Variants in TCERG1 observed in about 807,000 individuals in gnomAD.
TCERG1 encodes the protein transcription elongation regulator 1.
In TCERG1, 37 loss-of-function variants were observed where a neutral mutation model predicts 144.7. That is an observed-to-expected ratio of 0.26 (90% CI 0.20 to 0.34). TCERG1 has a LOEUF of 0.34. TCERG1 is among the 10% of genes least tolerant of loss of function. The pLI, the probability that TCERG1 is intolerant of heterozygous loss-of-function variation, is 1.00. For missense variants in TCERG1, 1,027 were observed against 1,380.7 expected, an observed-to-expected ratio of 0.74 and a Z score of 4.06; for synonymous variants, 492 against 458.2, an observed-to-expected ratio of 1.07 and a Z score of -0.94.
chr5:146,510,811 T>G lies in TCERG1; in HGVS notation c.*169T>G. On this transcript the variant is annotated 3_prime_UTR_variant, in exon 23 of 23. Transcript: ENST00000679501. ...CAGAACACTTTGGAAATATTTATGC[T>G]TTTCTTTGTGTGGCATGACTGACAT... 3 of 568,064 alleles carry G rather than the reference T, an allele frequency of 5.3e-6. No individual in the cohort carries two copies. The allele number at this position is 568,064 out of a possible 1,614,324, so 35.2% of individuals were successfully genotyped here.
intron 21 of TCERG1, among the ~76,000 whole-genome samples, chr5:146,508,620 A>G (rs1437757836): frequency 1.3e-5 from 2 of 152,176 alleles, no homozygotes; most frequent in East Asian, 1.9e-4. Context: ...AATTGATAAT[A>G]AAGTCTTTTT....
At position 146,511,775 on chromosome 5, in the gene TCERG1, TTGTATTAA is replaced by T. The variant is rs1323592893; in HGVS notation, c.*1139_*1146del. 2.0e-5 allele frequency: 3 copies of T among 152,210 alleles called. No homozygotes were observed. The highest frequency in any genetic ancestry group is 7.2e-5 in the African/African-American group (3 of 41,456). 9.4% of individuals were successfully genotyped at this position (152,210 alleles called of 1,614,324 possible). On this transcript the variant is annotated 3_prime_UTR_variant, in exon 23 of 23. Coordinates refer to ENST00000679501, the MANE Select transcript of TCERG1 (RefSeq NM_001382548.1). Reference sequence around the variant, plus strand: ...CTGGGGTTTTTTTTGTTTTTGTCCTTTGTATTAATGTATGATGGTTTGCGCCTTTTTGG... The same window carrying T: ...CTGGGGTTTTTTTTGTTTTTGTCCTTTGTATGATGGTTTGCGCCTTTTTGG...
rs1445071203 is a variant in TCERG1, at chr5:146,463,655, C to G, written c.997C>G (p.Pro333Ala). ...APTATPVQTV[P>A]QPHPQTLPPA... Reference sequence around the variant, plus strand: ...TACAGCCACACCTGTGCAAACCGTTCCCCAGCCGCACCCTCAGACGTTACC... The same window carrying G: ...TACAGCCACACCTGTGCAAACCGTTGCCCAGCCGCACCCTCAGACGTTACC... Residue 333 changes from proline (P) to alanine (A), a missense_variant, in exon 5 of 23, where the codon CCC (proline) becomes GCC (alanine). Pro to Ala is a conservative substitution (Grantham distance 27, BLOSUM62 -1). Coordinates refer to ENST00000679501, the MANE Select transcript of TCERG1 (RefSeq NM_001382548.1). The G allele has an allele frequency of 6.2e-7, 1 of 1,614,192 alleles. No homozygotes were observed. The highest frequency in any genetic ancestry group is 8.5e-7 in the Non-Finnish European group (1 of 1,180,036).
chr5:146,457,600 C>T (rs932192245), intron 3 of TCERG1, among the ~76,000 whole-genome samples: 3 of 152,226 alleles, frequency 2.0e-5, no homozygotes, highest in Non-Finnish European at 2.9e-5. Context: ...TACCAAATTC[C>T]AGGCTCCTAG....
intron 4 of TCERG1, among the ~76,000 whole-genome samples, chr5:146,461,712 A>C (rs1170482835): frequency 1.3e-5 from 2 of 152,150 alleles, no homozygotes; most frequent in Non-Finnish European, 2.9e-5. Flanking sequence ...TTATCTGAAT[A>C]CTATAATAAT....
At chr5:146,463,271 G>A (rs946545589) in intron 4 of TCERG1, among the ~76,000 whole-genome samples, 12 of 152,052 alleles carry the variant, frequency 7.9e-5, no homozygotes, top group Non-Finnish European at 1.3e-4. Context: ...TCAAGGCGCA[G>A]CATCCCAATA....
Position 146,507,410 on chromosome 5 carries a change from A to C in TCERG1, c.2961+203A>C. 2.0e-6 allele frequency: 1 copy of C among 497,338 alleles called. No individual in the cohort carries two copies. Among genetic ancestry groups the C allele is most frequent in the East Asian group, 3.4e-5 (1 of 29,744 alleles). The allele number at this position is 497,338 out of a possible 1,614,324, so 30.8% of individuals were successfully genotyped here. ...ATTCTTTGCAGTTTTCACATTCATAACTGCTCCCATAGTAATTCAAAATGT... is the reference window on the plus strand; with the variant it reads ...ATTCTTTGCAGTTTTCACATTCATACCTGCTCCCATAGTAATTCAAAATGT... On this transcript the variant is annotated intron_variant, in intron 20 of 22. Transcript: ENST00000679501. This position sits in a 1 kb window ranked among gnomAD's most constrained non-coding sequence, Gnocchi z 4.6.
intron 1 of TCERG1, among the ~76,000 whole-genome samples, chr5:146,449,792 A>C (rs1378797196): frequency 6.6e-6 from 1 of 152,226 alleles, no homozygotes; most frequent in Non-Finnish European, 1.5e-5. Context: ...TCCAAATACC[A>C]TTAAAGTAAC....
In TCERG1 at chr5:146,451,182, A is replaced by G. The variant is rs146080765; in HGVS notation, c.59+3774A>G. Among the ~76,000 whole-genome samples the G allele has an allele frequency of 5.4e-4, 83 of 152,348 alleles. 1 individual carries two copies. Among genetic ancestry groups the G allele is most frequent in the African/African-American group, 1.9e-3 (81 of 41,586 alleles). ...TACATTATTAACTCAAGCCTGAAAC[A>G]GAGTGTCTTTCCTTGGTGATTATCT... On this transcript the variant is annotated intron_variant, in intron 1 of 22. Transcript: ENST00000679501.
intron 1 of TCERG1, among the ~76,000 whole-genome samples, chr5:146,449,310 G>A (rs1762161280): frequency 6.6e-6 from 1 of 152,186 alleles, no homozygotes; most frequent in African/African-American, 2.4e-5. Flanking sequence ...CATGACAGTT[G>A]CTGACCTAGG....
intron 4 of TCERG1, among the ~76,000 whole-genome samples, chr5:146,460,607 AAGAG>A (rs370831072): frequency 1.3e-5 from 2 of 152,260 alleles, no homozygotes; most frequent in South Asian, 2.1e-4. Context: ...AAATACGTAT[AAGAG>A]AGAAATTAAT....
At chr5:146,453,663 C>T (rs1208028804) in intron 1 of TCERG1, among the ~76,000 whole-genome samples, 2 of 151,846 alleles carry the variant, frequency 1.3e-5, no homozygotes, top group African/African-American at 4.8e-5. Context: ...ATTGGCCGAG[C>T]GTGGTGGCTC....
chr5:146,505,187 G>T (rs1365211382), intron 19 of TCERG1, among the ~76,000 whole-genome samples: 1 of 151,866 alleles, frequency 6.6e-6, no homozygotes, highest in Non-Finnish European at 1.5e-5. Flanking sequence ...AGTTGCATGT[G>T]GCCTGTGGGC....
chr5:146,474,032 CCA>C (rs1312387014), intron 9 of TCERG1, among the ~76,000 whole-genome samples: 10 of 89,030 alleles, frequency 1.1e-4, no homozygotes, highest in East Asian at 0.011. Context: ...GCTATAGCTG[CCA>C]TAGATTGTGA....
chr5:146,495,557 G>A lies in TCERG1; in HGVS notation c.2282+2519G>A, dbSNP rs543564781. ...TCATTGTTAAAAATGTTGAATTAAT[G>A]TTGGATATTGATTAGTATTGGTTGC... is the stretch of plus-strand genomic sequence containing the variant. On this transcript the variant is annotated intron_variant, in intron 16 of 22. Transcript: ENST00000679501. 2.0e-5 allele frequency among the ~76,000 whole-genome samples: 3 copies of A among 152,264 alleles called. No individual in the cohort carries two copies. In the South Asian group the frequency reaches 6.2e-4, roughly 32 times the overall value.
At chr5:146,506,905 G>T (rs950704944) in intron 19 of TCERG1, 123 bp from the exon 20 acceptor site, 14 of 712,984 alleles carry the variant, frequency 2.0e-5, no homozygotes, top group Non-Finnish European at 2.8e-5. Context: ...TGTATCTGTT[G>T]ATAGACACTT....
At chr5:146,454,906 T>C in intron 1 of TCERG1, 150 bp from the exon 2 acceptor site, 1 of 808,290 alleles carries the variant, frequency 1.2e-6, no homozygotes, top group Non-Finnish European at 1.9e-6. Flanking sequence ...CCCATTGATG[T>C]AGTTTTTATC....
At chr5:146,492,864 A>T in intron 15 of TCERG1, 56 bp from the exon 16 acceptor site, 1 of 1,210,234 alleles carries the variant, frequency 8.3e-7, no homozygotes, top group African/African-American at 1.5e-5. Flanking sequence ...ATAATTTGGT[A>T]GTTAAATTAC....
chr5:146,487,731 CAAAAAAA>C (rs60367472), intron 15 of TCERG1, among the ~76,000 whole-genome samples: 5 of 108,052 alleles, frequency 4.6e-5, no homozygotes, highest in African/African-American at 1.5e-4. Context: ...GACCCTGTTT[CAAAAAAA>C]AAAAAAAAAA....
Sources: gnomAD v4.1 joint callset for allele counts (sites outside exome capture counted in the v4.1 genomes callset) on GRCh38, gnomAD v4.1.1 for gene constraint, Gnocchi (gnomAD v3.1) non-coding constraint, MANE v1.5 for transcripts, NCBI Gene and HGNC (gene_info 2026-07-23, HGNC 2026-07-21) for gene names.